PLSCR2: variants seen among roughly 807,000 people sequenced by gnomAD.
The protein encoded by PLSCR2 is PL scramblase 2.
PLSCR2 carries 18 observed loss-of-function variants against 25.3 expected under a neutral mutation model. The ratio of observed to expected loss-of-function variants is 0.71; its 90% CI spans 0.49 to 1.06. The LOEUF (loss-of-function observed/expected upper bound fraction) is 1.06, where lower values mean the gene tolerates loss of function less well. PLSCR2 is among the 50% of genes least tolerant of loss of function. PLSCR2 has a pLI of 0.00. For missense variants in PLSCR2, 243 were observed against 269.5 expected, an observed-to-expected ratio of 0.90 and a Z score of 0.69; for synonymous variants, 88 against 87.3, an observed-to-expected ratio of 1.01 and a Z score of -0.04.
upstream of PLSCR2, among the ~76,000 whole-genome samples, chr3:146,462,433 AAC>A (rs577694834): frequency 6.1e-4 from 92 of 150,722 alleles, no homozygotes; most frequent in African/African-American, 2.1e-3. Flanking sequence ...CACGACGATG[AAC>A]ACTTTCTTTT....
intron 2 of PLSCR2, among the ~76,000 whole-genome samples, chr3:146,414,583 A>C (rs561768486): frequency 2.4e-4 from 35 of 143,540 alleles, no homozygotes; most frequent in African/African-American, 8.9e-4. Flanking sequence ...ACGCATAAGA[A>C]AGGCAATGAT....
At chr3:146,436,203 G>C (rs2108173725) in intron 8 of PLSCR2, among the ~76,000 whole-genome samples, 1 of 152,318 alleles carries the variant, frequency 6.6e-6, no homozygotes. Context: ...AAGTCAGGTA[G>C]CATGATACCT....
At chr3:146,395,874 C>T (rs1048985684) in exon 3 of PLSCR2, 28 of 290,534 alleles carry the variant, frequency 9.6e-5, no homozygotes, top group African/African-American at 6.4e-4. Context: ...ATCCAGAGTA[C>T]TGTTTTGAAA....
At chr3:146,411,992 CAAGTT>C (rs59025942) in intron 2 of PLSCR2, among the ~76,000 whole-genome samples, 75,611 of 151,280 alleles carry the variant, frequency 0.5, 19,385 homozygotes, top group South Asian at 0.7. Flanking sequence ...TCAGCTTGCA[CAAGTT>C]AAGTCCTTGA....
chr3:146,441,957 G>T, intron 6 of PLSCR2, 136 bp from the exon 7 acceptor site: 1 of 564,212 alleles, frequency 1.8e-6, no homozygotes. Context: ...AGTAATGTGA[G>T]AAAAGTCTAC....
At chr3:146,477,027 G>T (rs530755774) in intron 1 of PLSCR2, among the ~76,000 whole-genome samples, 2 of 152,310 alleles carry the variant, frequency 1.3e-5, no homozygotes, top group East Asian at 3.9e-4. Flanking sequence ...TGTTAAGTGG[G>T]TCTCGGATCT....
intron 2 of PLSCR2, among the ~76,000 whole-genome samples, chr3:146,402,893 A>G (rs144232552): frequency 8.0e-4 from 122 of 152,320 alleles, no homozygotes; most frequent in African/African-American, 2.8e-3. Context: ...TAAAATGTAC[A>G]CATTTTCATT....
chr3:146,402,945 A>T (rs1326735181), intron 2 of PLSCR2, among the ~76,000 whole-genome samples: 1 of 152,216 alleles, frequency 6.6e-6, no homozygotes, highest in East Asian at 1.9e-4. Flanking sequence ...CATTAAAATA[A>T]TATTTTCTAA....
chr3:146,410,863 T>C (rs1313704930), intron 2 of PLSCR2, among the ~76,000 whole-genome samples: 2 of 152,150 alleles, frequency 1.3e-5, no homozygotes, highest in Non-Finnish European at 2.9e-5. Flanking sequence ...CTGAGGGGAC[T>C]TGGGCTCCTC....
At chr3:146,452,747 A>G (rs2040973886) in intron 5 of PLSCR2, among the ~76,000 whole-genome samples, 1 of 152,100 alleles carries the variant, frequency 6.6e-6, no homozygotes, top group South Asian at 2.1e-4. Context: ...TTATATTCCA[A>G]TTAGACTTTT....
chr3:146,476,958 T>C (rs921174994), intron 1 of PLSCR2, among the ~76,000 whole-genome samples: 32 of 152,184 alleles, frequency 2.1e-4, no homozygotes, highest in African/African-American at 7.0e-4. Flanking sequence ...GCAGCCCAGA[T>C]GAGTGGGATT....
chr3:146,461,511 C>T (rs2041569926), upstream of PLSCR2, among the ~76,000 whole-genome samples: 1 of 151,988 alleles, frequency 6.6e-6, no homozygotes, highest in Non-Finnish European at 1.5e-5. Flanking sequence ...TTATAAAAGA[C>T]TTCATATTGG....
chr3:146,461,100 A>G (rs767943250), upstream of PLSCR2, among the ~76,000 whole-genome samples: 1 of 152,254 alleles, frequency 6.6e-6, no homozygotes, highest in Non-Finnish European at 1.5e-5. Flanking sequence ...TCTTTATATT[A>G]CATGTAAATG....
chr3:146,418,385 G>A (rs749637339), intron 2 of PLSCR2, among the ~76,000 whole-genome samples: 1 of 152,056 alleles, frequency 6.6e-6, no homozygotes, highest in African/African-American at 2.4e-5. Flanking sequence ...ATCTTGCATC[G>A]GTTGTGACTG....
At chr3:146,475,819 C>G (rs1316772441) in intron 1 of PLSCR2, among the ~76,000 whole-genome samples, 2 of 152,160 alleles carry the variant, frequency 1.3e-5, no homozygotes, top group Non-Finnish European at 2.9e-5. Flanking sequence ...TGCACAGAAA[C>G]TTAAGGTCAG....
intron 2 of PLSCR2, chr3:146,416,395 TCA>T (rs1358354279): frequency 6.6e-6 from 1 of 152,100 alleles, no homozygotes. Context: ...AATGTTAAAG[TCA>T]CAGTATTTTA....
chr3:146,454,084 A>G (rs773808159), exon 5 of PLSCR2: 1 of 1,611,034 alleles, frequency 6.2e-7, no homozygotes, highest in Non-Finnish European at 8.5e-7. Context: ...CTGATTTTTA[A>G]TTGTAAACTT....
At chr3:146,456,176 C>T (rs987971248) in intron 3 of PLSCR2, among the ~76,000 whole-genome samples, 2 of 152,200 alleles carry the variant, frequency 1.3e-5, no homozygotes, top group African/African-American at 4.8e-5. Flanking sequence ...CTAACCTCTT[C>T]ATGAGGAAAA....
intron 1 of PLSCR2, among the ~76,000 whole-genome samples, chr3:146,490,858 T>C (rs2043525100): frequency 6.6e-6 from 1 of 152,124 alleles, no homozygotes; most frequent in Non-Finnish European, 1.5e-5. Context: ...TCAAAATCAA[T>C]ATCGATATGT....
Sources: allele counts gnomAD v4.1 joint callset (sites outside exome capture counted in the v4.1 genomes callset), GRCh38; gene constraint gnomAD v4.1.1; transcripts MANE v1.5; gene names NCBI Gene and HGNC (gene_info 2026-07-23, HGNC 2026-07-21).